Variants in SHISA9 observed in about 807,000 individuals in gnomAD.
SHISA9 encodes protein shisa-9.
In SHISA9, 13 loss-of-function variants were observed where a neutral mutation model predicts 38.0. The ratio of observed to expected loss-of-function variants is 0.34; its 90% CI spans 0.22 to 0.54. SHISA9 has a LOEUF of 0.54. Ranked by LOEUF, SHISA9 falls within the 20% of genes least tolerant of loss-of-function variation. The pLI is 0.91. For missense variants in SHISA9, 538 were observed against 575.8 expected, an observed-to-expected ratio of 0.93 and a Z score of 0.67; for synonymous variants, 275 against 242.0, an observed-to-expected ratio of 1.14 and a Z score of -1.27.
chr16:13,276,204 A>G, the SHISA9 span, among the ~76,000 whole-genome samples: 1 of 151,694 alleles, frequency 6.6e-6, no homozygotes, highest in African/African-American at 2.4e-5. Flanking sequence ...TTAGTTTAAT[A>G]GTCTCCAATC....
At chr16:13,142,193 G>T (rs1461720247) in intron 2 of SHISA9, among the ~76,000 whole-genome samples, 2 of 152,202 alleles carry the variant, frequency 1.3e-5, no homozygotes, top group Admixed American at 6.5e-5. Flanking sequence ...ACTGGGCGAA[G>T]TGGGAGTCTA....
At chr16:12,914,848 G>C (rs1436514481) in intron 1 of SHISA9, among the ~76,000 whole-genome samples, 1 of 152,232 alleles carries the variant, frequency 6.6e-6, no homozygotes, top group African/African-American at 2.4e-5. Context: ...AGGAGGGCTA[G>C]ATGGATCTGA....
chr16:12,916,304 C>A (rs1185103901), intron 1 of SHISA9, among the ~76,000 whole-genome samples: 1 of 152,108 alleles, frequency 6.6e-6, no homozygotes, highest in Non-Finnish European at 1.5e-5. Flanking sequence ...TAAATGTTAT[C>A]TACTGTTACT....
Position 13,237,059 on chromosome 16 carries a change from G to C in SHISA9, c.*1650G>C, listed in dbSNP as rs1191639979. 6.6e-6 allele frequency: 1 copy of C among 152,120 alleles called. No individual in the cohort carries two copies. The highest frequency in any genetic ancestry group is 1.5e-5 in the Non-Finnish European group (1 of 68,028). 9.4% of individuals were successfully genotyped at this position (152,120 alleles called of 1,614,324 possible). A position where few individuals can be genotyped will look rare whatever the true frequency, so the allele number is the denominator to read the frequency against. Reference sequence around the variant, plus strand: ...GAAGGTTTTTCAACTAGCCCCTAAAGGTCTTTGGTAGTTAATTAACATTCA... The same window carrying C: ...GAAGGTTTTTCAACTAGCCCCTAAACGTCTTTGGTAGTTAATTAACATTCA... On this transcript the variant is annotated 3_prime_UTR_variant, in exon 5 of 5. Coordinates refer to ENST00000558583, the MANE Select transcript of SHISA9 (RefSeq NM_001145204.3).
intron 2 of SHISA9, among the ~76,000 whole-genome samples, chr16:12,977,666 A>G (rs1386121071): frequency 2.0e-5 from 3 of 152,178 alleles, no homozygotes; most frequent in Non-Finnish European, 4.4e-5. Context: ...TGTCTTTTGC[A>G]GGGACATGGA....
At chr16:13,148,641 C>G (rs148882102) in intron 2 of SHISA9, among the ~76,000 whole-genome samples, 1 of 151,576 alleles carries the variant, frequency 6.6e-6, no homozygotes, top group East Asian at 1.9e-4. Flanking sequence ...CACACATTCT[C>G]ATTCACACAC....
At chr16:13,278,572 A>C in the SHISA9 span, among the ~76,000 whole-genome samples, 27 of 152,026 alleles carry the variant, frequency 1.8e-4, no homozygotes, top group East Asian at 5.0e-3. Context: ...GTAATTTTTA[A>C]ATTACCATTT....
intron 2 of SHISA9, among the ~76,000 whole-genome samples, chr16:13,107,916 G>C (rs2073942773): frequency 6.6e-6 from 1 of 152,108 alleles, no homozygotes; most frequent in East Asian, 1.9e-4. Context: ...TGTAGCAAAA[G>C]CCTTACACAT....
intron 2 of SHISA9, among the ~76,000 whole-genome samples, chr16:13,089,509 T>C (rs1406687479): frequency 1.3e-5 from 2 of 152,240 alleles, no homozygotes; most frequent in African/African-American, 4.8e-5. Flanking sequence ...GAAATTCAAC[T>C]TCTTCCTAGT....
intron 2 of SHISA9, among the ~76,000 whole-genome samples, chr16:13,185,689 C>A (rs972620798): frequency 6.6e-6 from 1 of 152,146 alleles, no homozygotes; most frequent in African/African-American, 2.4e-5. Flanking sequence ...TTCTCAAAGG[C>A]AGGAGTGAGT....
At position 13,205,505 on chromosome 16, in the gene SHISA9, G is replaced by A. The variant is rs562214176; in HGVS notation, c.847+1956G>A. ...CCAAACAGATGTGAGTTCAAATCCT[G>A]GCTCTACTGCTTACCATCTGTGTAG... On this transcript the variant is annotated intron_variant, in intron 3 of 4. Coordinates refer to ENST00000558583, the MANE Select transcript of SHISA9 (RefSeq NM_001145204.3). 1.3e-3 allele frequency among the ~76,000 whole-genome samples: 191 copies of A among 152,268 alleles called. 1 individual carries two copies. Among genetic ancestry groups the A allele is most frequent in the African/African-American group, 4.5e-3 (185 of 41,556 alleles).
At chr16:13,015,866 C>CTTTCTTTCTTTCTT (rs2072740440) in intron 2 of SHISA9, among the ~76,000 whole-genome samples, 1 of 83,188 alleles carries the variant, frequency 1.2e-5, no homozygotes, top group African/African-American at 4.9e-5. Flanking sequence ...TTCTTTCTTT[C>CTTTCTTTCTTTCTT]TTTCTTTCTT....
chr16:13,263,698 A>G, the SHISA9 span, among the ~76,000 whole-genome samples: 1 of 152,334 alleles, frequency 6.6e-6, no homozygotes, highest in Admixed American at 6.5e-5. Flanking sequence ...TCAGGGACAT[A>G]TAATTCCTAC....
intron 1 of SHISA9, chr16:12,910,677 G>A: frequency 2.0e-6 from 2 of 985,384 alleles, no homozygotes; most frequent in Middle Eastern, 5.2e-4. Context: ...TAATTCTCCT[G>A]AACTGGGTGG....
chr16:13,088,105 C>T (rs922752645), intron 2 of SHISA9, among the ~76,000 whole-genome samples: 1 of 152,168 alleles, frequency 6.6e-6, no homozygotes, highest in Admixed American at 6.5e-5. Flanking sequence ...TTGTTTTTGT[C>T]AGGTTCATCA....
chr16:13,447,931 A>G, the SHISA9 span, among the ~76,000 whole-genome samples: 1 of 152,332 alleles, frequency 6.6e-6, no homozygotes, highest in Non-Finnish European at 1.5e-5. Context: ...AAGACATACA[A>G]AAGTCATTAG....
At chr16:13,270,265 G>A in the SHISA9 span, among the ~76,000 whole-genome samples, 2 of 152,222 alleles carry the variant, frequency 1.3e-5, no homozygotes, top group East Asian at 1.9e-4. Context: ...GATACATTGC[G>A]CAAAGCCTGT....
At chr16:13,173,227 T>C (rs2050703217) in intron 2 of SHISA9, among the ~76,000 whole-genome samples, 2 of 151,270 alleles carry the variant, frequency 1.3e-5, no homozygotes, top group African/African-American at 4.9e-5. Flanking sequence ...TTTTTAGGTT[T>C]TGATTAACAC....
chr16:13,387,182 A>G, the SHISA9 span, among the ~76,000 whole-genome samples: 2 of 152,208 alleles, frequency 1.3e-5, no homozygotes, highest in African/African-American at 4.8e-5. Flanking sequence ...TATGGGTTGA[A>G]CTGTGGTATC....
Sources: gnomAD v4.1 joint callset for allele counts (sites outside exome capture counted in the v4.1 genomes callset) on GRCh38, gnomAD v4.1.1 for gene constraint, MANE v1.5 for transcripts, NCBI Gene and HGNC (gene_info 2026-07-23, HGNC 2026-07-21) for gene names.